Variants in KLF12 observed in about 807,000 individuals in gnomAD.
KLF12 encodes the protein Krueppel-like factor 12.
KLF12 carries 9 observed loss-of-function variants against 37.8 expected under a neutral mutation model. That is an observed-to-expected ratio of 0.24 (90% CI 0.14 to 0.42). The LOEUF (loss-of-function observed/expected upper bound fraction) is 0.42. Ranked by LOEUF, KLF12 falls within the 10% of genes least tolerant of loss-of-function variation. The probability of loss-of-function intolerance (pLI) is 1.00; values close to 1 mark genes in which losing one functional copy is unlikely to be tolerated. For missense variants in KLF12, 411 were observed against 516.0 expected (o/e 0.80, Z 1.97); for synonymous variants, 208 against 202.1 (o/e 1.03, Z -0.25).
chr13:73,818,954 G>T (rs7983786), intron 4 of KLF12, among the ~76,000 whole-genome samples: 13 of 152,186 alleles, frequency 8.5e-5, no homozygotes, highest in African/African-American at 3.1e-4. Flanking sequence ...AGAGCTGCTG[G>T]TTTATTCTAG....
At chr13:74,053,763 GT>G (rs1488852326) in intron 1 of KLF12, among the ~76,000 whole-genome samples, 1 of 152,182 alleles carries the variant, frequency 6.6e-6, no homozygotes, top group African/African-American at 2.4e-5. Flanking sequence ...GACTAGAAAT[GT>G]TTTTAAAATA....
chr13:73,711,521 A>T (rs1376029545), intron 7 of KLF12, among the ~76,000 whole-genome samples: 1 of 152,162 alleles, frequency 6.6e-6, no homozygotes, highest in African/African-American at 2.4e-5. Context: ...TCTAATGCTA[A>T]ATCTGCTTGT....
intron 6 of KLF12, among the ~76,000 whole-genome samples, chr13:73,737,878 T>G (rs1488714058): frequency 2.0e-5 from 3 of 151,922 alleles, no homozygotes; most frequent in Non-Finnish European, 4.4e-5. Flanking sequence ...AAGACAAGAT[T>G]GGCCAATTGC....
intron 3 of KLF12, among the ~76,000 whole-genome samples, chr13:73,904,454 T>G (rs926383870): frequency 6.9e-6 from 1 of 144,872 alleles, no homozygotes; most frequent in African/African-American, 2.5e-5. Flanking sequence ...CAGTTTCTCA[T>G]GTTTTCTTTC....
the KLF12 span, among the ~76,000 whole-genome samples, chr13:74,151,496 C>T: frequency 6.6e-6 from 1 of 151,836 alleles, no homozygotes; most frequent in African/African-American, 2.4e-5. Flanking sequence ...ACAAAAAAAA[C>T]ACAAAAATTA....
chr13:73,875,163 G>A (rs1179644291), intron 3 of KLF12, among the ~76,000 whole-genome samples: 3 of 140,596 alleles, frequency 2.1e-5, no homozygotes, highest in African/African-American at 5.3e-5. Flanking sequence ...GATTTACTTT[G>A]TAATATTTGA....
At chr13:73,789,625 C>T (rs1000566032) in intron 5 of KLF12, among the ~76,000 whole-genome samples, 2 of 151,826 alleles carry the variant, frequency 1.3e-5, no homozygotes, top group African/African-American at 2.4e-5. Context: ...AAAAGTTTCC[C>T]AGTTAGGGCT....
chr13:73,706,542 T>G (rs187589814), intron 7 of KLF12, among the ~76,000 whole-genome samples: 1 of 152,218 alleles, frequency 6.6e-6, no homozygotes, highest in Admixed American at 6.5e-5. Flanking sequence ...CTCTTCCCCA[T>G]TGATGAAAAT....
intron 1 of KLF12, among the ~76,000 whole-genome samples, chr13:74,009,655 CT>C (rs1415498010): frequency 6.6e-5 from 10 of 152,194 alleles, no homozygotes; most frequent in African/African-American, 2.2e-4. Flanking sequence ...TTCTAAACGG[CT>C]TGATTTGCTG....
At chr13:73,724,890 T>C (rs767277507) in intron 6 of KLF12, among the ~76,000 whole-genome samples, 22 of 152,172 alleles carry the variant, frequency 1.4e-4, no homozygotes, top group Non-Finnish European at 8.8e-5. Flanking sequence ...GTGGTACTTT[T>C]ACTTAGTAGG....
chr13:74,197,078 A>G, the KLF12 span, among the ~76,000 whole-genome samples: 4,634 of 152,236 alleles, frequency 0.03, 112 homozygotes, highest in Middle Eastern at 0.071. Context: ...TTCAGGTATA[A>G]GCCTTAAAGA....
intron 7 of KLF12, among the ~76,000 whole-genome samples, chr13:73,702,278 TTAAGAG>T (rs1874616552): frequency 6.6e-6 from 1 of 152,110 alleles, no homozygotes; most frequent in African/African-American, 2.4e-5. Flanking sequence ...AAGAAAAGGA[TTAAGAG>T]TCACTAAGTG....
At chr13:74,017,103 T>C (rs77999292) in intron 1 of KLF12, among the ~76,000 whole-genome samples, 5,528 of 152,040 alleles carry the variant, frequency 0.036, 137 homozygotes, top group Non-Finnish European at 0.058. Context: ...CTGCTGGTAA[T>C]GTTTTATGAC....
chr13:73,905,295 C>T (rs1382044356), intron 3 of KLF12, among the ~76,000 whole-genome samples: 3 of 152,074 alleles, frequency 2.0e-5, no homozygotes, highest in African/African-American at 7.2e-5. Context: ...TTGTAAAAGG[C>T]TTTTAATCTT....
At chr13:74,103,699 A>G (rs1023606237) in intron 1 of KLF12, among the ~76,000 whole-genome samples, 3 of 152,210 alleles carry the variant, frequency 2.0e-5, no homozygotes, top group Admixed American at 6.5e-5. Context: ...CTTTGAGATG[A>G]TCCCAAACTA....
intron 5 of KLF12, among the ~76,000 whole-genome samples, chr13:73,796,027 C>T (rs1881941520): frequency 6.6e-6 from 1 of 152,118 alleles, no homozygotes; most frequent in Non-Finnish European, 1.5e-5. Flanking sequence ...TTGATGCCTA[C>T]ATCAATCTAT....
intron 1 of KLF12, among the ~76,000 whole-genome samples, chr13:74,003,696 TTATTCAAATA>T (rs1485441732): frequency 2.0e-5 from 3 of 152,200 alleles, no homozygotes; most frequent in African/African-American, 7.2e-5. Context: ...ACAGTATTTA[TTATTCAAATA>T]TGAATCAATG....
chr13:73,918,760 C>T (rs1371978021), intron 3 of KLF12, among the ~76,000 whole-genome samples: 7 of 152,194 alleles, frequency 4.6e-5, no homozygotes, highest in Non-Finnish European at 1.0e-4. Context: ...CACTGGATTT[C>T]TCCTGCCAGA....
At chr13:74,277,403 C>A in the KLF12 span, among the ~76,000 whole-genome samples, 2 of 152,128 alleles carry the variant, frequency 1.3e-5, no homozygotes, top group Admixed American at 6.5e-5. Flanking sequence ...ACTTGTAAAT[C>A]TCTTTATGTC....
Sources: gnomAD v4.1 joint callset for allele counts (sites outside exome capture counted in the v4.1 genomes callset) on GRCh38, gnomAD v4.1.1 for gene constraint, MANE v1.5 for transcripts, NCBI Gene and HGNC (gene_info 2026-07-23, HGNC 2026-07-21) for gene names.